ARID5B: variants seen among roughly 807,000 people sequenced by gnomAD.
ARID5B encodes the protein AT-rich interactive domain-containing protein 5B.
A neutral mutation model predicts 97.2 loss-of-function variants in ARID5B; 13 were observed. The observed-to-expected ratio is 0.13, with a 90% confidence interval of 0.09 to 0.21. The LOEUF (loss-of-function observed/expected upper bound fraction) is 0.21. ARID5B is among the 10% of genes least tolerant of loss of function. The pLI is 1.00. For synonymous variants in ARID5B, 556 were observed against 570.3 expected, an observed-to-expected ratio of 0.97 and a Z score of 0.36; for missense variants, 1,210 against 1,465.3, an observed-to-expected ratio of 0.83 and a Z score of 2.84.
chr10:61,948,524 A>G (rs1417101510), intron 3 of ARID5B, among the ~76,000 whole-genome samples: 2 of 151,446 alleles, frequency 1.3e-5, no homozygotes, highest in Non-Finnish European at 2.9e-5. Flanking sequence ...GCGCCACCAC[A>G]TCCGGCTAAT....
intron 4 of ARID5B, among the ~76,000 whole-genome samples, chr10:62,029,051 G>T (rs1387058318): frequency 6.6e-6 from 1 of 151,974 alleles, no homozygotes; most frequent in African/African-American, 2.4e-5. Context: ...CCTAAATCAA[G>T]GGAGATCTGC....
At chr10:61,958,148 G>A (rs1350059608) in intron 3 of ARID5B, among the ~76,000 whole-genome samples, 1 of 151,504 alleles carries the variant, frequency 6.6e-6, no homozygotes, top group Non-Finnish European at 1.5e-5. Flanking sequence ...GGATGAAGGC[G>A]TAAGCAGTGT....
At chr10:61,939,005 C>T (rs1442385467) in intron 2 of ARID5B, among the ~76,000 whole-genome samples, 5 of 72,374 alleles carry the variant, frequency 6.9e-5, no homozygotes, top group Admixed American at 4.1e-4. Flanking sequence ...GTGTGTGTGT[C>T]GGTGGGGCAG....
intron 8 of ARID5B, among the ~76,000 whole-genome samples, chr10:62,082,064 A>G (rs188508267): frequency 1.3e-5 from 2 of 152,242 alleles, no homozygotes; most frequent in Admixed American, 1.3e-4. Context: ...GACTGAATTT[A>G]ATAAGAATCT....
intron 2 of ARID5B, among the ~76,000 whole-genome samples, chr10:61,939,932 C>A (rs1186603282): frequency 6.6e-6 from 1 of 152,232 alleles, no homozygotes; most frequent in Non-Finnish European, 1.5e-5. Context: ...ATTAGAATTA[C>A]TGTCCTATTT....
At position 62,059,431 on chromosome 10, in the gene ARID5B, T is replaced by C. The variant is rs1227863863; in HGVS notation, c.1101+136T>C. 4 of 632,472 alleles carry C rather than the reference T, an allele frequency of 6.3e-6. No homozygotes were observed. The African/African-American group carries it at 7.4e-5, about 12-fold the overall frequency. 39.2% of individuals were successfully genotyped at this position (632,472 alleles called of 1,614,324 possible). On this transcript the variant is annotated intron_variant, in intron 7 of 9. Coordinates refer to ENST00000279873, the MANE Select transcript of ARID5B (RefSeq NM_032199.3). ...ATGGCTCTACACTTTTGGGGGTTTA[T>C]TGGGCCGCTTTGGAAACAGTCCCAA...
At chr10:61,912,749 C>T (rs539896297) in intron 2 of ARID5B, among the ~76,000 whole-genome samples, 2 of 145,340 alleles carry the variant, frequency 1.4e-5, no homozygotes, top group African/African-American at 2.5e-5. Context: ...ATACATTACA[C>T]ATATATACAT....
At chr10:61,946,649 G>A (rs532207445) in intron 3 of ARID5B, among the ~76,000 whole-genome samples, 2 of 152,134 alleles carry the variant, frequency 1.3e-5, no homozygotes, top group Non-Finnish European at 2.9e-5. Flanking sequence ...TGGGCCAGGC[G>A]CAGTGGCTCA....
chr10:62,052,050 G>A (rs1839797453), intron 5 of ARID5B, among the ~76,000 whole-genome samples: 2 of 152,092 alleles, frequency 1.3e-5, no homozygotes, highest in Admixed American at 6.5e-5. Context: ...TTATCTTTAA[G>A]CATCATTGTT....
chr10:61,954,731 A>C (rs1468499545), intron 3 of ARID5B, among the ~76,000 whole-genome samples: 1 of 152,108 alleles, frequency 6.6e-6, no homozygotes, highest in Non-Finnish European at 1.5e-5. Context: ...ATAAGAAAGC[A>C]AACTATGGGC....
At chr10:62,039,868 A>G (rs1589269859) in intron 4 of ARID5B, among the ~76,000 whole-genome samples, 1 of 152,358 alleles carries the variant, frequency 6.6e-6, no homozygotes, top group East Asian at 1.9e-4. Context: ...CAATGAGGCT[A>G]TGCCCCTGCA....
At chr10:61,987,559 C>T (rs1838864582) in intron 3 of ARID5B, among the ~76,000 whole-genome samples, 1 of 152,172 alleles carries the variant, frequency 6.6e-6, no homozygotes, top group Non-Finnish European at 1.5e-5. Flanking sequence ...CAAGGGTCAG[C>T]AGAGCCAGAT....
intron 4 of ARID5B, among the ~76,000 whole-genome samples, chr10:62,001,686 G>A (rs1839082036): frequency 6.6e-6 from 1 of 152,126 alleles, no homozygotes; most frequent in Non-Finnish European, 1.5e-5. Flanking sequence ...GAGAGAGGAA[G>A]GGGAACCAAA....
At chr10:61,976,890 AG>A (rs1324586618) in intron 3 of ARID5B, among the ~76,000 whole-genome samples, 3 of 150,422 alleles carry the variant, frequency 2.0e-5, no homozygotes, top group Non-Finnish European at 3.0e-5. Context: ...TTTAAGTTCT[AG>A]GGTACATGTG....
chr10:62,057,601 A>G (rs555119837), intron 6 of ARID5B, among the ~76,000 whole-genome samples: 10 of 152,174 alleles, frequency 6.6e-5, no homozygotes, highest in Non-Finnish European at 8.8e-5. Context: ...TGTTTTGTCA[A>G]TCTTGAGTGT....
At chr10:62,046,166 T>A (rs1198675499) in intron 4 of ARID5B, among the ~76,000 whole-genome samples, 1 of 152,188 alleles carries the variant, frequency 6.6e-6, no homozygotes, top group Non-Finnish European at 1.5e-5. Context: ...AGTTTATCTA[T>A]CTTCGTGGTA....
At chr10:62,063,510 T>TA (rs11343237) in intron 7 of ARID5B, among the ~76,000 whole-genome samples, 2,621 of 141,592 alleles carry the variant, frequency 0.019, 59 homozygotes, top group African/African-American at 0.058. Context: ...CAAATTGAAT[T>TA]AAAAAAAAAA....
At chr10:61,971,600 G>A (rs747772008) in intron 3 of ARID5B, among the ~76,000 whole-genome samples, 3 of 152,204 alleles carry the variant, frequency 2.0e-5, no homozygotes, top group Non-Finnish European at 4.4e-5. Flanking sequence ...TGCATTTGGC[G>A]AAGCCTGTAG....
intron 7 of ARID5B, among the ~76,000 whole-genome samples, chr10:62,060,224 G>A (rs1839904994): frequency 6.6e-6 from 1 of 152,200 alleles, no homozygotes; most frequent in African/African-American, 2.4e-5. Flanking sequence ...AATAACCAGT[G>A]CTTCTTGCCA....
Sources: gnomAD v4.1 joint callset for allele counts (sites outside exome capture counted in the v4.1 genomes callset) on GRCh38, gnomAD v4.1.1 for gene constraint, MANE v1.5 for transcripts, NCBI Gene and HGNC (gene_info 2026-07-23, HGNC 2026-07-21) for gene names.